RSPO2: variants seen among roughly 807,000 people sequenced by gnomAD.
The protein encoded by RSPO2 is R-spondin 2, also known as R-spondin-2.
A neutral mutation model predicts 30.9 loss-of-function variants in RSPO2; 14 were observed. The observed-to-expected ratio is 0.45, with a 90% confidence interval of 0.30 to 0.71. The LOEUF (loss-of-function observed/expected upper bound fraction) is 0.71, where lower values mean the gene tolerates loss of function less well. Among genes scored for constraint, RSPO2 ranks in the 30% least tolerant of loss-of-function variants. The pLI is 0.08. For synonymous variants in RSPO2, 107 were observed against 96.4 expected, an observed-to-expected ratio of 1.11 and a Z score of -0.64; for missense variants, 264 against 301.9, an observed-to-expected ratio of 0.87 and a Z score of 0.93.
At chr8:107,934,476 C>T (rs919396677) in intron 5 of RSPO2, among the ~76,000 whole-genome samples, 8 of 151,750 alleles carry the variant, frequency 5.3e-5, no homozygotes, top group African/African-American at 7.2e-5. Flanking sequence ...AGGTTCAAGC[C>T]GTTCTCCTGC....
At chr8:108,072,657 G>A (rs2130727642) in intron 2 of RSPO2, among the ~76,000 whole-genome samples, 1 of 151,932 alleles carries the variant, frequency 6.6e-6, no homozygotes, top group East Asian at 1.9e-4. Context: ...GAATTTTTCA[G>A]CCCCAAGTCA....
At chr8:107,901,253 C>G (rs1811453854) in intron 5 of RSPO2, 63 bp from the exon 6 acceptor site, 6 of 1,522,686 alleles carry the variant, frequency 3.9e-6, no homozygotes, top group Non-Finnish European at 4.4e-6. Flanking sequence ...AAAGAAAACA[C>G]AAAAATATTG....
chr8:108,054,790 C>T (rs1812191251), intron 2 of RSPO2, among the ~76,000 whole-genome samples: 1 of 152,112 alleles, frequency 6.6e-6, no homozygotes, highest in African/African-American at 2.4e-5. Context: ...CTTGCCGCAC[C>T]CTAGTCCTGG....
intron 3 of RSPO2, among the ~76,000 whole-genome samples, chr8:107,968,423 A>G (rs994177941): frequency 6.6e-6 from 1 of 152,114 alleles, no homozygotes; most frequent in Non-Finnish European, 1.5e-5. Flanking sequence ...AGAGAGTAGA[A>G]TGGTGGTTAC....
intron 5 of RSPO2, among the ~76,000 whole-genome samples, chr8:107,942,310 C>T (rs867046371): frequency 6.6e-6 from 1 of 152,140 alleles, no homozygotes; most frequent in Admixed American, 6.5e-5. Flanking sequence ...CTTATTTCAG[C>T]CCATGTTAAC....
At position 108,011,742 on chromosome 8, in the gene RSPO2, G is replaced by A. The variant is rs867274399; in HGVS notation, c.95-22498C>T. On this transcript the variant is annotated intron_variant, in intron 2 of 5. Coordinates refer to ENST00000276659, the MANE Select transcript of RSPO2 (RefSeq NM_178565.5). ...ATGCATGGAATGTACAAGGTTATCC[G>A]TGCAGAGGAAATAATTGGGCAGGGA... 4.6e-5 allele frequency among the ~76,000 whole-genome samples: 7 copies of A among 152,294 alleles called. No homozygotes were observed. In the East Asian group the frequency reaches 5.8e-4, roughly 13 times the overall value.
intron 2 of RSPO2, among the ~76,000 whole-genome samples, chr8:108,043,607 A>T (rs1245096189): frequency 6.6e-6 from 1 of 152,116 alleles, no homozygotes; most frequent in Non-Finnish European, 1.5e-5. Flanking sequence ...TGGAAAAAAA[A>T]AAAAGATAGT....
chr8:108,041,203 CAAAA>C (rs55937336), intron 2 of RSPO2, among the ~76,000 whole-genome samples: 7 of 100,384 alleles, frequency 7.0e-5, no homozygotes, highest in African/African-American at 1.1e-4. Context: ...CAAAAAGTGG[CAAAA>C]AAAAAAAAAA....
chr8:107,946,922 C>G (rs1001017053), intron 5 of RSPO2, among the ~76,000 whole-genome samples: 1 of 152,170 alleles, frequency 6.6e-6, no homozygotes, highest in Non-Finnish European at 1.5e-5. Flanking sequence ...GATTATTTGT[C>G]AAAGATGTCC....
chr8:107,989,265 T>A lies in RSPO2; in HGVS notation c.95-21A>T, dbSNP rs751996681. The A allele has an allele frequency of 5.3e-6, 8 of 1,508,504 alleles. No individual in the cohort carries two copies. In the African/African-American group the frequency reaches 8.5e-5, roughly 16 times the overall value. 93.4% of individuals were successfully genotyped at this position (1,508,504 alleles called of 1,614,324 possible). The stretch of plus-strand genomic sequence containing the variant: ...ACTAGCTGTAAAAGAAAAACAAAAA[T>A]TGTGTTTAATTATCAGTATAATCAG... On this transcript the variant is annotated intron_variant, in intron 2 of 5. Transcript: ENST00000276659.
chr8:107,927,182 A>T (rs1331263521), intron 5 of RSPO2, among the ~76,000 whole-genome samples: 1 of 152,004 alleles, frequency 6.6e-6, no homozygotes, highest in Non-Finnish European at 1.5e-5. Flanking sequence ...TTCACTCATG[A>T]TTTTGCTCTG....
intron 2 of RSPO2, among the ~76,000 whole-genome samples, chr8:108,036,971 T>G (rs72682211): frequency 0.038 from 5,745 of 152,288 alleles, 155 homozygotes; most frequent in Admixed American, 0.056. Context: ...CTCCACTAAC[T>G]GTTGCCATCT....
chr8:108,047,082 G>C (rs1811927971), intron 2 of RSPO2, among the ~76,000 whole-genome samples: 1 of 152,166 alleles, frequency 6.6e-6, no homozygotes, highest in Admixed American at 6.5e-5. Context: ...GGTAAGCAGG[G>C]CTGAGCTGCC....
At chr8:107,940,144 G>A (rs1231626226) in intron 5 of RSPO2, among the ~76,000 whole-genome samples, 2 of 152,018 alleles carry the variant, frequency 1.3e-5, no homozygotes, top group Non-Finnish European at 2.9e-5. Flanking sequence ...CATCTCAAGT[G>A]GATTTCCTCT....
At chr8:107,952,410 A>G (rs145582492) in intron 5 of RSPO2, among the ~76,000 whole-genome samples, 63 of 152,268 alleles carry the variant, frequency 4.1e-4, no homozygotes, top group Middle Eastern at 6.8e-3. Context: ...GATTTCTCAG[A>G]CAGACATTAT....
chr8:107,983,048 C>G, intron 3 of RSPO2: 1 of 1,166,122 alleles, frequency 8.6e-7, no homozygotes, highest in Non-Finnish European at 1.2e-6. Context: ...TCACGCTCCC[C>G]TGCAGTCCCC....
At position 107,988,971 on chromosome 8, in the gene RSPO2, A is replaced by T. The variant is rs115420134; in HGVS notation, c.283+85T>A. 1,816 of 1,260,798 alleles carry T rather than the reference A, an allele frequency of 1.4e-3. 23 individuals are homozygous for T. The African/African-American group carries it at 0.022, about 15-fold the overall frequency. The allele number at this position is 1,260,798 out of a possible 1,614,324, so 78.1% of individuals were successfully genotyped here. On this transcript the variant is annotated intron_variant, in intron 3 of 5. Coordinates refer to ENST00000276659, the MANE Select transcript of RSPO2 (RefSeq NM_178565.5). ...CACCTATTACAAACACATTTTTTTTAAAAAAATCATTCAAAATCTTCAACT... is the reference window on the plus strand; with the variant it reads ...CACCTATTACAAACACATTTTTTTTTAAAAAATCATTCAAAATCTTCAACT...
intron 2 of RSPO2, among the ~76,000 whole-genome samples, chr8:108,028,722 G>A (rs557732495): frequency 9.2e-5 from 14 of 152,256 alleles, no homozygotes; most frequent in Non-Finnish European, 1.6e-4. Context: ...ATATGTTGTA[G>A]TATGTTCTCT....
At chr8:107,927,208 G>C (rs1030873699) in intron 5 of RSPO2, among the ~76,000 whole-genome samples, 4 of 152,104 alleles carry the variant, frequency 2.6e-5, no homozygotes, top group African/African-American at 7.2e-5. Flanking sequence ...GTCTGTTATT[G>C]GTGTATAAGA....
Sources: gnomAD v4.1 joint callset for allele counts (sites outside exome capture counted in the v4.1 genomes callset) on GRCh38, gnomAD v4.1.1 for gene constraint, MANE v1.5 for transcripts, NCBI Gene and HGNC (gene_info 2026-07-23, HGNC 2026-07-21) for gene names.